The following ADGRB1 variants were observed in gnomAD, a reference collection of about 807,000 sequenced individuals.
The protein encoded by ADGRB1 is adhesion G protein-coupled receptor B1, also known as brain-specific angiogenesis inhibitor 1.
In ADGRB1, 36 loss-of-function variants were observed where a neutral mutation model predicts 175.7. That is an observed-to-expected ratio of 0.20 (90% confidence interval 0.16 to 0.27). The LOEUF (loss-of-function observed/expected upper bound fraction) is 0.27, where lower values mean the gene tolerates loss of function less well. Among genes scored for constraint, ADGRB1 ranks in the 10% least tolerant of loss-of-function variants. ADGRB1 has a pLI of 1.00. For missense variants in ADGRB1, 1,731 were observed against 2,255.3 expected (o/e 0.77, Z 4.71); for synonymous variants, 1,054 against 979.4 (o/e 1.08, Z -1.42).
intron 1 of ADGRB1, among the ~76,000 whole-genome samples, chr8:142,454,469 G>A (rs1340300246): frequency 1.3e-5 from 2 of 152,190 alleles, no homozygotes; most frequent in South Asian, 2.1e-4. Context: ...CCCGCCCCGC[G>A]ATGTGTGCCT....
intron 27 of ADGRB1, among the ~76,000 whole-genome samples, chr8:142,541,380 A>G (rs1279311934): frequency 6.6e-6 from 1 of 152,038 alleles, no homozygotes; most frequent in Non-Finnish European, 1.5e-5. Context: ...CTCTCCAGGG[A>G]CCAGGCGGCC....
intron 23 of ADGRB1, 79 bp downstream of exon 23, chr8:142,524,383 A>T (rs1383086396): frequency 4.9e-6 from 7 of 1,419,612 alleles, no homozygotes; most frequent in Non-Finnish European, 6.7e-6. Flanking sequence ...GTGCTGTCTC[A>T]TGCCCCAGGC....
At chr8:142,460,291 T>G (rs1432081921) in intron 1 of ADGRB1, among the ~76,000 whole-genome samples, 2 of 152,156 alleles carry the variant, frequency 1.3e-5, no homozygotes, top group African/African-American at 2.4e-5. Context: ...GGGAGGCCCG[T>G]GCCCACTGGC....
At chr8:142,487,744 T>C (rs1841748017) in intron 13 of ADGRB1, among the ~76,000 whole-genome samples, 1 of 152,178 alleles carries the variant, frequency 6.6e-6, no homozygotes, top group African/African-American at 2.4e-5. Flanking sequence ...CTAAACGTGC[T>C]GCCTCATCCC....
rs898127403 is a variant in ADGRB1, at chr8:142,544,561, C to T, written c.*144C>T. On this transcript the variant is annotated 3_prime_UTR_variant, in exon 31 of 31. Coordinates refer to ENST00000517894, the MANE Select transcript of ADGRB1 (RefSeq NM_001702.3). ...AGGGCGCTCAGACGGCGGCCAGGCA[C>T]AGGGCCCGCAGTGCTGGGACCAGAG... is the stretch of plus-strand genomic sequence containing the variant. The T allele has an allele frequency of 1.0e-5, 10 of 970,866 alleles. No homozygotes were observed. In the South Asian group the frequency reaches 2.1e-4, roughly 21 times the overall value. 60.1% of individuals were successfully genotyped at this position (970,866 alleles called of 1,614,324 possible).
chr8:142,521,577 C>A (rs996533463), intron 20 of ADGRB1, among the ~76,000 whole-genome samples: 10 of 152,368 alleles, frequency 6.6e-5, no homozygotes, highest in African/African-American at 2.4e-4. Context: ...CTCAGGGCCG[C>A]TGTGTGGGTG....
At chr8:142,463,673 AG>A (rs1391351269) in intron 1 of ADGRB1, among the ~76,000 whole-genome samples, 1 of 152,236 alleles carries the variant, frequency 6.6e-6, no homozygotes, top group East Asian at 1.9e-4. Context: ...GCGTGGGCAA[AG>A]GGGTACCACC....
chr8:142,483,216 GACCCT>G (rs2131839151), intron 11 of ADGRB1, among the ~76,000 whole-genome samples: 1 of 133,784 alleles, frequency 7.5e-6, no homozygotes, highest in Non-Finnish European at 1.6e-5. Context: ...ACTGAGCCCT[GACCCT>G]GGTCGCACTG....
At chr8:142,536,642 G>A (rs1462853343) in intron 25 of ADGRB1, among the ~76,000 whole-genome samples, 1 of 152,116 alleles carries the variant, frequency 6.6e-6, no homozygotes, top group African/African-American at 2.4e-5. Flanking sequence ...GGAGATGCAG[G>A]CCAGGTCCAG....
At chr8:142,470,952 T>C (rs947865422) in intron 2 of ADGRB1, among the ~76,000 whole-genome samples, 4 of 152,030 alleles carry the variant, frequency 2.6e-5, no homozygotes, top group African/African-American at 9.7e-5. Flanking sequence ...GTCTGGGGTG[T>C]GCAGGGGCAG....
chr8:142,520,800 TTG>T, intron 19 of ADGRB1, 21 bp from the exon 20 acceptor site: 1 of 1,605,202 alleles, frequency 6.2e-7, no homozygotes, highest in Non-Finnish European at 8.5e-7. Context: ...GGTGCTGACC[TTG>T]GGCCCCTGCA....
At position 142,543,381 on chromosome 8, in the gene ADGRB1, C is replaced by T. The variant is rs1030946976; in HGVS notation, c.4414-22C>T. On this transcript the variant is annotated intron_variant, in intron 28 of 30. Transcript: ENST00000517894. This position sits in a 1 kb window ranked among gnomAD's most constrained non-coding sequence, Gnocchi z 4.4. ...TTGTCAGGGACCCTTGGCGAATGTT[C>T]GCAAACCCCTTCTCCCTGCAGCGGC... 5.6e-6 allele frequency: 9 copies of T among 1,613,468 alleles called. 1 individual carries two copies. The highest frequency in any genetic ancestry group is 1.6e-4 in the Middle Eastern group (1 of 6,062).
intron 30 of ADGRB1, 95 bp from the exon 31 acceptor site, chr8:142,544,125 C>T: frequency 3.0e-6 from 4 of 1,352,092 alleles, no homozygotes; most frequent in Non-Finnish European, 3.0e-6. Flanking sequence ...CCGTCCCTTC[C>T]TCACTGATTC....
At chr8:142,509,259 G>A (rs1303188692) in intron 17 of ADGRB1, among the ~76,000 whole-genome samples, 4 of 152,208 alleles carry the variant, frequency 2.6e-5, no homozygotes, top group African/African-American at 9.6e-5. Flanking sequence ...GTGCCGCTCA[G>A]CGCTGTCCAG....
At chr8:142,459,694 A>G (rs535211445) in intron 1 of ADGRB1, among the ~76,000 whole-genome samples, 5 of 152,302 alleles carry the variant, frequency 3.3e-5, no homozygotes, top group East Asian at 1.9e-4. Flanking sequence ...ATGCACACAC[A>G]TATGCACGGG....
intron 17 of ADGRB1, among the ~76,000 whole-genome samples, chr8:142,502,990 A>G (rs1372670706): frequency 1.3e-5 from 2 of 151,362 alleles, no homozygotes; most frequent in African/African-American, 4.9e-5. Flanking sequence ...TTGATAACAC[A>G]TGGAGGGGGT....
At chr8:142,499,681 C>CG (rs1419041485) in intron 17 of ADGRB1, among the ~76,000 whole-genome samples, 1 of 152,202 alleles carries the variant, frequency 6.6e-6, no homozygotes, top group Non-Finnish European at 1.5e-5. Context: ...CCTGGGCCTC[C>CG]GGGGGCCCCT....
chr8:142,472,047 G>A (rs893486648), intron 2 of ADGRB1, among the ~76,000 whole-genome samples: 23 of 152,222 alleles, frequency 1.5e-4, no homozygotes, highest in African/African-American at 5.3e-4. Context: ...TGACCCTCCA[G>A]CCCCGGTGCT....
chr8:142,473,384 A>G (rs928478395), intron 2 of ADGRB1, among the ~76,000 whole-genome samples: 2 of 152,274 alleles, frequency 1.3e-5, no homozygotes, highest in South Asian at 2.1e-4. Context: ...TGAGGCCCGG[A>G]GCACCTGGGC....
Sources: gnomAD v4.1 joint callset for allele counts (sites outside exome capture counted in the v4.1 genomes callset) on GRCh38, gnomAD v4.1.1 for gene constraint, Gnocchi (gnomAD v3.1) non-coding constraint, MANE v1.5 for transcripts, NCBI Gene and HGNC (gene_info 2026-07-23, HGNC 2026-07-21) for gene names.